Variants in PLPP4 observed in about 807,000 individuals in gnomAD.
PLPP4 encodes the protein phospholipid phosphatase 4.
A neutral mutation model predicts 32.2 loss-of-function variants in PLPP4; 20 were observed. The ratio of observed to expected loss-of-function variants is 0.62; its 90% CI spans 0.44 to 0.90. The LOEUF is 0.90. Ranked by LOEUF, PLPP4 falls within the 40% of genes least tolerant of loss-of-function variation. The pLI is 0.00. For synonymous variants in PLPP4, 127 were observed against 133.0 expected, an observed-to-expected ratio of 0.95 and a Z score of 0.31; for missense variants, 257 against 353.1, an observed-to-expected ratio of 0.73 and a Z score of 2.18.
At chr10:120,512,954 T>A (rs1203940446) in intron 2 of PLPP4, among the ~76,000 whole-genome samples, 1 of 152,200 alleles carries the variant, frequency 6.6e-6, no homozygotes, top group Non-Finnish European at 1.5e-5. Context: ...CGTCAACAGT[T>A]ACACCCCAGC....
intron 1 of PLPP4, among the ~76,000 whole-genome samples, chr10:120,496,126 T>C (rs1015002494): frequency 6.6e-6 from 1 of 152,244 alleles, no homozygotes; most frequent in African/African-American, 2.4e-5. Flanking sequence ...GTCATCCTAG[T>C]ACTTGACTTT....
At chr10:120,531,873 T>TACACACACTACAC (rs1846746448) in intron 5 of PLPP4, among the ~76,000 whole-genome samples, 1 of 148,150 alleles carries the variant, frequency 6.7e-6, no homozygotes, top group Non-Finnish European at 1.5e-5. Context: ...CTACACACAC[T>TACACACACTACAC]ACACACACAC....
intron 5 of PLPP4, among the ~76,000 whole-genome samples, chr10:120,574,117 T>G (rs1417227211): frequency 8.0e-6 from 1 of 124,966 alleles, no homozygotes. Context: ...ACCATTAGAA[T>G]CATCTGGGGA....
intron 3 of PLPP4, among the ~76,000 whole-genome samples, chr10:120,514,830 C>T (rs2133894109): frequency 6.6e-6 from 1 of 152,226 alleles, no homozygotes; most frequent in Middle Eastern, 3.4e-3. Flanking sequence ...TAAAAGTTAC[C>T]CAAATCCTCA....
At chr10:120,515,577 C>T (rs1365622689) in intron 3 of PLPP4, among the ~76,000 whole-genome samples, 1 of 152,228 alleles carries the variant, frequency 6.6e-6, no homozygotes, top group Non-Finnish European at 1.5e-5. Context: ...TGCCCTCCCT[C>T]AGGTCAGGTG....
intron 5 of PLPP4, among the ~76,000 whole-genome samples, chr10:120,547,994 G>A (rs1041923470): frequency 6.6e-6 from 1 of 152,100 alleles, no homozygotes; most frequent in East Asian, 1.9e-4. Context: ...AATTTCTTAA[G>A]AATAATGAAC....
chr10:120,574,732 T>A (rs1233740359), intron 5 of PLPP4, among the ~76,000 whole-genome samples: 1 of 152,178 alleles, frequency 6.6e-6, no homozygotes, highest in Non-Finnish European at 1.5e-5. Flanking sequence ...TCTTATAGAA[T>A]GTATCACATT....
chr10:120,542,007 A>G (rs1847368034), intron 5 of PLPP4, among the ~76,000 whole-genome samples: 1 of 152,256 alleles, frequency 6.6e-6, no homozygotes, highest in East Asian at 1.9e-4. Flanking sequence ...CAAACTCCTG[A>G]CCTCGTGATT....
chr10:120,568,579 T>G (rs1848790798), intron 5 of PLPP4, among the ~76,000 whole-genome samples: 1 of 152,240 alleles, frequency 6.6e-6, no homozygotes, highest in Non-Finnish European at 1.5e-5. Flanking sequence ...TATGCTCTGT[T>G]AAGTCCTTTG....
At chr10:120,560,174 T>A (rs1157311713) in intron 5 of PLPP4, among the ~76,000 whole-genome samples, 4 of 152,120 alleles carry the variant, frequency 2.6e-5, no homozygotes, top group South Asian at 4.1e-4. Context: ...TTATGAAGTG[T>A]CACTAGTGAT....
intron 1 of PLPP4, among the ~76,000 whole-genome samples, chr10:120,484,977 T>C (rs777093882): frequency 5.8e-4 from 89 of 152,152 alleles, no homozygotes; most frequent in Non-Finnish European, 1.1e-3. Context: ...AACCTGCCAT[T>C]GCTAGCTTTG....
intron 5 of PLPP4, among the ~76,000 whole-genome samples, chr10:120,542,396 C>T (rs1847388075): frequency 6.6e-6 from 1 of 152,090 alleles, no homozygotes; most frequent in South Asian, 2.1e-4. Context: ...AATAGTGAAT[C>T]ACATAATTTA....
rs768324920 is a variant in PLPP4 at position 120,514,020 on chromosome 10, C to T, written c.256+19C>T. Reference sequence around the variant, plus strand: ...TTCTTAGGTAGAGTATTCACAGTTCCTGCTTTAGGGAATGGGGCTGACCTT... The same window carrying T: ...TTCTTAGGTAGAGTATTCACAGTTCTTGCTTTAGGGAATGGGGCTGACCTT... On this transcript the variant is annotated intron_variant, in intron 3 of 6. Coordinates refer to ENST00000398250, the MANE Select transcript of PLPP4 (RefSeq NM_001030059.3). The T allele has an allele frequency of 5.1e-5, 80 of 1,555,634 alleles. No homozygotes were observed. Among genetic ancestry groups the T allele is most frequent in the Non-Finnish European group, 6.9e-5 (78 of 1,126,932 alleles).
intron 5 of PLPP4, among the ~76,000 whole-genome samples, chr10:120,550,139 A>T (rs972513726): frequency 3.3e-5 from 5 of 152,048 alleles, no homozygotes; most frequent in African/African-American, 1.2e-4. Flanking sequence ...TACAAGGTCA[A>T]TATAGAAAAT....
intron 1 of PLPP4, among the ~76,000 whole-genome samples, chr10:120,461,885 A>G (rs924215326): frequency 6.6e-6 from 1 of 152,232 alleles, no homozygotes; most frequent in Non-Finnish European, 1.5e-5. Flanking sequence ...GTGTAATTCC[A>G]GCAAGACAGA....
At chr10:120,523,184 C>T (rs936103571) in intron 5 of PLPP4, among the ~76,000 whole-genome samples, 4 of 152,146 alleles carry the variant, frequency 2.6e-5, no homozygotes, top group African/African-American at 9.7e-5. Context: ...TGCCTGTAAT[C>T]CCAGCTACTC....
chr10:120,492,531 A>G (rs1341724913), intron 1 of PLPP4, among the ~76,000 whole-genome samples: 2 of 152,222 alleles, frequency 1.3e-5, no homozygotes, highest in Non-Finnish European at 2.9e-5. Context: ...CTTTACGTCC[A>G]TTCTGCATTA....
At chr10:120,517,858 C>G (rs1845994739) in intron 3 of PLPP4, among the ~76,000 whole-genome samples, 1 of 152,194 alleles carries the variant, frequency 6.6e-6, no homozygotes, top group Non-Finnish European at 1.5e-5. Context: ...GCAGCTCCTT[C>G]CCGAAAATGC....
intron 5 of PLPP4, among the ~76,000 whole-genome samples, chr10:120,536,238 A>C (rs1277300852): frequency 6.6e-6 from 1 of 152,122 alleles, no homozygotes; most frequent in African/African-American, 2.4e-5. Context: ...AGATAGGTAA[A>C]TCAATCTTGA....
Sources: gnomAD v4.1 joint callset for allele counts (sites outside exome capture counted in the v4.1 genomes callset) on GRCh38, gnomAD v4.1.1 for gene constraint, MANE v1.5 for transcripts, NCBI Gene and HGNC (gene_info 2026-07-23, HGNC 2026-07-21) for gene names.